The following NRXN1 variants were observed in gnomAD, a reference collection of about 807,000 sequenced individuals.
The protein encoded by NRXN1 is neurexin-1.
In NRXN1, 39 loss-of-function variants were observed where a neutral mutation model predicts 150.9. The ratio of observed to expected loss-of-function variants is 0.26; its 90% confidence interval spans 0.20 to 0.34. NRXN1 has a LOEUF of 0.34. NRXN1 is among the 10% of genes least tolerant of loss of function. The pLI is 1.00. For synonymous variants in NRXN1, 924 were observed against 757.0 expected (o/e 1.22, Z -3.62); for missense variants, 1,815 against 1,949.9 (o/e 0.93, Z 1.30).
At chr2:50,606,005 T>C (rs201756025) in intron 8 of NRXN1, among the ~76,000 whole-genome samples, 3 of 152,006 alleles carry the variant, frequency 2.0e-5, no homozygotes, top group East Asian at 3.9e-4. Context: ...TCCTAGCACT[T>C]TGGGAGGCCA....
intron 5 of NRXN1, among the ~76,000 whole-genome samples, chr2:50,838,881 C>A (rs1039764130): frequency 6.6e-6 from 1 of 152,070 alleles, no homozygotes; most frequent in Admixed American, 6.6e-5. Flanking sequence ...AACTTTGGTA[C>A]TGAAGCCCTA....
At chr2:50,675,543 T>C (rs1317193651) in intron 5 of NRXN1, among the ~76,000 whole-genome samples, 2 of 152,054 alleles carry the variant, frequency 1.3e-5, no homozygotes, top group African/African-American at 4.8e-5. Context: ...GCCAGTGGAG[T>C]GATGATAAAC....
intron 17 of NRXN1, among the ~76,000 whole-genome samples, chr2:50,322,059 G>C (rs1334652309): frequency 6.8e-6 from 1 of 147,750 alleles, no homozygotes; most frequent in Non-Finnish European, 1.5e-5. Context: ...AAAACAGTCT[G>C]TCATGTGCAC....
chr2:50,538,421 T>C lies in NRXN1; in HGVS notation c.1975A>G (p.Met659Val). The C allele has an allele frequency of 6.2e-7, 1 of 1,613,966 alleles. No homozygotes were observed. The highest frequency in any genetic ancestry group is 8.5e-7 in the Non-Finnish European group (1 of 1,179,878). The part of the protein sequence containing the change: ...IDGQSKDIRQ[M>V]AEVQSTAGVK... ...CCAGCAGTACTTTGAACTTCAGCCATTTGCCGGATATCTTTGCTTTGGCCA... is the reference window on the plus strand; with the variant it reads ...CCAGCAGTACTTTGAACTTCAGCCACTTGCCGGATATCTTTGCTTTGGCCA... The change falls in exon 10 of 23, where the codon ATG (methionine) becomes GTG (valine). Residue 659 changes from methionine to valine, a missense_variant. Met to Val is a conservative substitution (Grantham distance 21, BLOSUM62 1). This residue lies in a region of NRXN1 where 638 missense variants were observed against 652.6 expected (regional missense o/e 0.98). Coordinates refer to ENST00000401669, the MANE Select transcript of NRXN1 (RefSeq NM_001330078.2).
intron 21 of NRXN1, among the ~76,000 whole-genome samples, chr2:50,003,477 T>G (rs1684271041): frequency 6.6e-6 from 1 of 152,144 alleles, no homozygotes; most frequent in African/African-American, 2.4e-5. Context: ...CAATGTAATA[T>G]TTATTCTCAA....
intron 12 of NRXN1, among the ~76,000 whole-genome samples, chr2:50,520,115 A>C (rs1558872244): frequency 1.3e-5 from 2 of 151,956 alleles, no homozygotes; most frequent in African/African-American, 2.4e-5. Context: ...TATGTGCTAT[A>C]AGGGCATTTA....
chr2:50,375,807 A>G (rs535680667), intron 17 of NRXN1, among the ~76,000 whole-genome samples: 2 of 152,114 alleles, frequency 1.3e-5, no homozygotes, highest in South Asian at 4.1e-4. Flanking sequence ...GGGCTCTATG[A>G]TACAAGAGGA....
At chr2:50,073,926 T>A (rs919870434) in intron 19 of NRXN1, among the ~76,000 whole-genome samples, 2 of 152,026 alleles carry the variant, frequency 1.3e-5, no homozygotes, top group African/African-American at 4.8e-5. Flanking sequence ...CTTAATAGAG[T>A]TTATGCCAAA....
At chr2:50,731,055 T>C (rs1698041277) in intron 5 of NRXN1, among the ~76,000 whole-genome samples, 1 of 152,208 alleles carries the variant, frequency 6.6e-6, no homozygotes, top group Non-Finnish European at 1.5e-5. Context: ...AAATTACTAA[T>C]TACAATCTTC....
intron 17 of NRXN1, among the ~76,000 whole-genome samples, chr2:50,304,044 T>C (rs1391704144): frequency 1.3e-5 from 2 of 152,126 alleles, no homozygotes; most frequent in Non-Finnish European, 2.9e-5. Context: ...CTTACCCCAA[T>C]TAGCTGAAAG....
At chr2:50,914,050 T>A (rs1409754932) in intron 5 of NRXN1, among the ~76,000 whole-genome samples, 1 of 151,740 alleles carries the variant, frequency 6.6e-6, no homozygotes, top group Non-Finnish European at 1.5e-5. Flanking sequence ...GGACATACAT[T>A]TTAAGCAAAA....
chr2:50,601,779 T>C (rs553974980), intron 8 of NRXN1, among the ~76,000 whole-genome samples: 3 of 152,220 alleles, frequency 2.0e-5, no homozygotes, highest in South Asian at 4.1e-4. Context: ...CATCATACAC[T>C]GGAGTACATT....
chr2:50,153,757 A>G (rs928438780), intron 18 of NRXN1, among the ~76,000 whole-genome samples: 6 of 151,844 alleles, frequency 4.0e-5, no homozygotes, highest in Non-Finnish European at 8.8e-5. Context: ...CCAGGCCTTT[A>G]AATCCTCCTC....
intron 17 of NRXN1, among the ~76,000 whole-genome samples, chr2:50,410,513 G>T (rs369657204): frequency 7.2e-5 from 11 of 152,216 alleles, no homozygotes; most frequent in African/African-American, 2.4e-4. Flanking sequence ...TAAGCTCCTG[G>T]AGCAAAGAAC....
At chr2:51,027,327 AG>A (rs1227666255) in intron 2 of NRXN1, among the ~76,000 whole-genome samples, 174 bp downstream of exon 2, 1 of 152,184 alleles carries the variant, frequency 6.6e-6, no homozygotes, top group African/African-American at 2.4e-5. Context: ...GAGGATGTCA[AG>A]GGAGAAGCTG....
intron 17 of NRXN1, among the ~76,000 whole-genome samples, chr2:50,454,931 G>C (rs2087389563): frequency 6.6e-6 from 1 of 152,146 alleles, no homozygotes; most frequent in African/African-American, 2.4e-5. Context: ...AACTTGATGT[G>C]AGCTGGATCA....
At chr2:50,650,088 C>T (rs890272162) in intron 5 of NRXN1, among the ~76,000 whole-genome samples, 12 of 151,986 alleles carry the variant, frequency 7.9e-5, no homozygotes, top group African/African-American at 2.7e-4. Flanking sequence ...CTCAGTTGTG[C>T]ACTGTCCTCT....
At chr2:50,850,145 T>C (rs561730991) in intron 5 of NRXN1, among the ~76,000 whole-genome samples, 5 of 151,836 alleles carry the variant, frequency 3.3e-5, no homozygotes, top group Non-Finnish European at 7.4e-5. Context: ...GTAGGATCAC[T>C]TGAGCCCAGG....
At chr2:50,956,478 T>A (rs1305624398) in intron 2 of NRXN1, among the ~76,000 whole-genome samples, 2 of 152,126 alleles carry the variant, frequency 1.3e-5, no homozygotes, top group African/African-American at 4.8e-5. Flanking sequence ...CTGGGTGTGG[T>A]GGCTCATGCC....
Sources: allele counts gnomAD v4.1 joint callset (sites outside exome capture counted in the v4.1 genomes callset), GRCh38; gene constraint gnomAD v4.1.1; regional missense constraint gnomAD v4.1.1; transcripts MANE v1.5; gene names NCBI Gene and HGNC (gene_info 2026-07-23, HGNC 2026-07-21).